Variants in NLGN1 observed in about 807,000 individuals in gnomAD.
NLGN1 encodes the protein neuroligin-1.
Under a neutral mutation model 65.5 loss-of-function variants are expected in NLGN1, and 12 were observed. That is an observed-to-expected ratio of 0.18 (90% CI 0.12 to 0.30). The LOEUF (loss-of-function observed/expected upper bound fraction) is 0.30, where lower values mean the gene tolerates loss of function less well. Among genes scored for constraint, NLGN1 ranks in the 10% least tolerant of loss-of-function variants. NLGN1 has a pLI of 1.00. For missense variants in NLGN1, 750 were observed against 1,007.1 expected (o/e 0.74, Z 3.46); for synonymous variants, 350 against 359.5 (o/e 0.97, Z 0.30).
At chr3:173,555,573 C>T (rs572242186) in intron 2 of NLGN1, among the ~76,000 whole-genome samples, 19 of 152,220 alleles carry the variant, frequency 1.2e-4, no homozygotes, top group South Asian at 4.1e-4. Context: ...TCAAAATCCC[C>T]GGGCTCAGGT....
chr3:174,124,595 G>GTATA (rs1561100431), intron 4 of NLGN1, among the ~76,000 whole-genome samples: 1 of 78,300 alleles, frequency 1.3e-5, no homozygotes, highest in East Asian at 3.0e-4. Context: ...GTATATATAC[G>GTATA]TATACATATA....
At chr3:173,659,131 C>T (rs898368195) in intron 3 of NLGN1, among the ~76,000 whole-genome samples, 1 of 151,870 alleles carries the variant, frequency 6.6e-6, no homozygotes, top group African/African-American at 2.4e-5. Context: ...TTTGTCTTAC[C>T]ATTAGCATTA....
chr3:173,523,315 C>T (rs1177985189), intron 2 of NLGN1, among the ~76,000 whole-genome samples: 1 of 151,610 alleles, frequency 6.6e-6, no homozygotes, highest in Non-Finnish European at 1.5e-5. Flanking sequence ...GGATCTTCAT[C>T]ATACTCTTTT....
At chr3:173,953,848 CTATTTA>C (rs1172597723) in intron 4 of NLGN1, among the ~76,000 whole-genome samples, 1 of 152,178 alleles carries the variant, frequency 6.6e-6, no homozygotes, top group Non-Finnish European at 1.5e-5. Flanking sequence ...TGACTCATTT[CTATTTA>C]TATCTGCTTT....
At chr3:173,430,477 T>C (rs972913866) in intron 1 of NLGN1, among the ~76,000 whole-genome samples, 17 of 152,230 alleles carry the variant, frequency 1.1e-4, no homozygotes, top group African/African-American at 4.1e-4. Flanking sequence ...AGATGTATCT[T>C]TTGGAAAAAT....
At chr3:173,528,001 A>G (rs144506515) in intron 2 of NLGN1, among the ~76,000 whole-genome samples, 1 of 152,328 alleles carries the variant, frequency 6.6e-6, no homozygotes, top group Non-Finnish European at 1.5e-5. Flanking sequence ...TAGTGTTGTT[A>G]GCTAGTTGCT....
chr3:174,286,774 A>G (rs1752168438), downstream of NLGN1: 1 of 151,566 alleles, frequency 6.6e-6, no homozygotes, highest in Non-Finnish European at 1.5e-5. Context: ...TTCTGACTTG[A>G]TAGAAACAAT....
At chr3:173,802,322 T>A (rs1209302735) in intron 3 of NLGN1, among the ~76,000 whole-genome samples, 1 of 152,124 alleles carries the variant, frequency 6.6e-6, no homozygotes, top group Non-Finnish European at 1.5e-5. Context: ...TATTAAAATG[T>A]CAGGTAGTAT....
chr3:173,894,199 A>G (rs1735919325), intron 4 of NLGN1, among the ~76,000 whole-genome samples: 1 of 152,152 alleles, frequency 6.6e-6, no homozygotes, highest in Non-Finnish European at 1.5e-5. Flanking sequence ...TACAATTATT[A>G]TTATCATCAT....
At chr3:173,784,579 A>G (rs1388601271) in intron 3 of NLGN1, among the ~76,000 whole-genome samples, 1 of 152,132 alleles carries the variant, frequency 6.6e-6, no homozygotes, top group African/African-American at 2.4e-5. Flanking sequence ...AGAAAGGCAG[A>G]CAGAGAGAAA....
intron 4 of NLGN1, among the ~76,000 whole-genome samples, chr3:174,199,075 G>A (rs1296356084): frequency 1.3e-5 from 2 of 151,934 alleles, no homozygotes; most frequent in Non-Finnish European, 2.9e-5. Flanking sequence ...TCGAACTCCC[G>A]ACTTCAGGTG....
chr3:173,620,044 C>T (rs1162679445), intron 3 of NLGN1, among the ~76,000 whole-genome samples: 1 of 151,992 alleles, frequency 6.6e-6, no homozygotes, highest in Non-Finnish European at 1.5e-5. Flanking sequence ...GTCTCCGGAG[C>T]TTGGAGTATT....
intron 4 of NLGN1, among the ~76,000 whole-genome samples, chr3:174,092,865 A>G (rs1744782871): frequency 6.6e-6 from 1 of 152,162 alleles, no homozygotes; most frequent in Non-Finnish European, 1.5e-5. Flanking sequence ...CTAACTTCAA[A>G]TCTGTTCTCT....
chr3:174,177,952 A>G (rs768385224), intron 4 of NLGN1, among the ~76,000 whole-genome samples: 1 of 152,120 alleles, frequency 6.6e-6, no homozygotes, highest in Non-Finnish European at 1.5e-5. Context: ...TAAGAGCATC[A>G]GTTCCAGGGT....
intron 4 of NLGN1, among the ~76,000 whole-genome samples, chr3:174,247,911 T>C (rs1744092233): frequency 6.6e-6 from 1 of 152,204 alleles, no homozygotes; most frequent in Non-Finnish European, 1.5e-5. Flanking sequence ...GTGATGTATA[T>C]TAATTAGGTT....
chr3:173,633,559 A>G (rs1459385994), intron 3 of NLGN1, among the ~76,000 whole-genome samples: 1 of 152,184 alleles, frequency 6.6e-6, no homozygotes, highest in African/African-American at 2.4e-5. Context: ...CCCTATGGAA[A>G]GAACCTCAGA....
intron 4 of NLGN1, among the ~76,000 whole-genome samples, chr3:173,987,961 A>T (rs766029327): frequency 6.6e-6 from 1 of 152,132 alleles, no homozygotes; most frequent in Non-Finnish European, 1.5e-5. Context: ...CATTTTATTA[A>T]AGCTAGTAGT....
intron 4 of NLGN1, among the ~76,000 whole-genome samples, chr3:174,087,896 A>G (rs760540235): frequency 3.3e-5 from 5 of 152,176 alleles, no homozygotes; most frequent in Non-Finnish European, 5.9e-5. Flanking sequence ...CCATTTTAAG[A>G]AGTATTTTTT....
At chr3:174,266,813 T>C (rs1037877467) in intron 4 of NLGN1, among the ~76,000 whole-genome samples, 1 of 152,204 alleles carries the variant, frequency 6.6e-6, no homozygotes, top group Non-Finnish European at 1.5e-5. Flanking sequence ...TTGTATATTA[T>C]AAATATTTAA....
Sources: allele counts gnomAD v4.1 joint callset (sites outside exome capture counted in the v4.1 genomes callset), GRCh38; gene constraint gnomAD v4.1.1; transcripts MANE v1.5; gene names NCBI Gene and HGNC (gene_info 2026-07-23, HGNC 2026-07-21).